PRKCE: variants seen among roughly 807,000 people sequenced by gnomAD.
The protein encoded by PRKCE is protein kinase C epsilon.
In PRKCE, 16 loss-of-function variants were observed where a neutral mutation model predicts 85.4. That is an observed-to-expected ratio of 0.19 (90% CI 0.13 to 0.28). PRKCE has a LOEUF of 0.28. Among genes scored for constraint, PRKCE ranks in the 10% least tolerant of loss-of-function variants. The pLI is 1.00. For synonymous variants in PRKCE, 388 were observed against 371.5 expected, an observed-to-expected ratio of 1.04 and a Z score of -0.51; for missense variants, 573 against 975.2, an observed-to-expected ratio of 0.59 and a Z score of 5.49.
intron 1 of PRKCE, among the ~76,000 whole-genome samples, chr2:45,683,614 C>T (rs1677071186): frequency 6.6e-6 from 1 of 152,202 alleles, no homozygotes; most frequent in South Asian, 2.1e-4. Context: ...TGAAGTCTGA[C>T]TGCTGCATGG....
chr2:45,849,371 T>A (rs1366194042), intron 2 of PRKCE, among the ~76,000 whole-genome samples: 5 of 152,156 alleles, frequency 3.3e-5, no homozygotes, highest in African/African-American at 1.2e-4. Flanking sequence ...GTCTCTTTTC[T>A]CGCTTAGCAA....
At chr2:45,807,375 G>A (rs1171332862) in intron 1 of PRKCE, among the ~76,000 whole-genome samples, 1 of 152,222 alleles carries the variant, frequency 6.6e-6, no homozygotes, top group Admixed American at 6.5e-5. Flanking sequence ...TTTGCTGATG[G>A]CCCAGAATCA....
chr2:46,144,970 C>T (rs1558500114), intron 11 of PRKCE, 123 bp from the exon 12 acceptor site: 2 of 1,434,814 alleles, frequency 1.4e-6, no homozygotes, highest in Non-Finnish European at 1.9e-6. Context: ...TTTCAAGAAA[C>T]ACAAGCTTCT....
chr2:45,701,606 G>A (rs995700999), intron 1 of PRKCE: 2 of 152,156 alleles, frequency 1.3e-5, no homozygotes, highest in African/African-American at 2.4e-5. Flanking sequence ...GCTTACCAAG[G>A]CAATAAAGGC....
intron 11 of PRKCE, among the ~76,000 whole-genome samples, chr2:46,096,704 T>A (rs1670714931): frequency 6.6e-6 from 1 of 152,182 alleles, no homozygotes; most frequent in Non-Finnish European, 1.5e-5. Flanking sequence ...TAAATTCCTG[T>A]TAAGTCGCTC....
At chr2:45,973,628 A>T (rs1018732593) in intron 2 of PRKCE, among the ~76,000 whole-genome samples, 4 of 152,146 alleles carry the variant, frequency 2.6e-5, no homozygotes, top group African/African-American at 9.7e-5. Context: ...ACCCCTGCCA[A>T]CTTTAAACAG....
At chr2:45,769,641 T>G (rs1321379781) in intron 1 of PRKCE, among the ~76,000 whole-genome samples, 4 of 152,256 alleles carry the variant, frequency 2.6e-5, no homozygotes, top group African/African-American at 7.2e-5. Flanking sequence ...TTCTATTTCA[T>G]GAGTTTGTAA....
rs372950760 is a variant in PRKCE, at chr2:45,887,653, C to T, written c.412+44590C>T. Among the ~76,000 whole-genome samples, 30 of 152,166 alleles carry T rather than the reference C, an allele frequency of 2.0e-4. No individual in the cohort carries two copies. In the South Asian group the frequency reaches 5.4e-3, roughly 27 times the overall value. Reference sequence around the variant, plus strand: ...TCAGGAAGCCATGACTTTTATGGTTCTAGAACCATGCCACATCAGCTATGA... The same window carrying T: ...TCAGGAAGCCATGACTTTTATGGTTTTAGAACCATGCCACATCAGCTATGA... On this transcript the variant is annotated intron_variant, in intron 2 of 14. Transcript: ENST00000306156.
Position 46,093,079 on chromosome 2 carries a change from G to T in PRKCE, c.1592+6717G>T, listed in dbSNP as rs561085423. Among the ~76,000 whole-genome samples the T allele has an allele frequency of 5.3e-5, 8 of 152,284 alleles. No homozygotes were observed. The East Asian group carries it at 1.5e-3, about 29-fold the overall frequency. ...ACTTGGGGATCGTTTTCCCCAGAGA[G>T]CATCGTTCTTAGCTGTCAGCGTTAC... On this transcript the variant is annotated intron_variant, in intron 11 of 14. Coordinates refer to ENST00000306156, the MANE Select transcript of PRKCE (RefSeq NM_005400.3).
intron 10 of PRKCE, among the ~76,000 whole-genome samples, chr2:46,082,225 G>A (rs925495286): frequency 8.5e-5 from 13 of 152,162 alleles, no homozygotes; most frequent in African/African-American, 1.9e-4. Flanking sequence ...CAAGGCATCT[G>A]CAAGAATCTA....
At chr2:45,671,181 T>C (rs927452216) in intron 1 of PRKCE, among the ~76,000 whole-genome samples, 2 of 152,196 alleles carry the variant, frequency 1.3e-5, no homozygotes, top group African/African-American at 4.8e-5. Context: ...TATTCAACAA[T>C]TTGTACTGTT....
chr2:46,117,042 A>T (rs1672844221), intron 11 of PRKCE, among the ~76,000 whole-genome samples: 1 of 152,236 alleles, frequency 6.6e-6, no homozygotes, highest in African/African-American at 2.4e-5. Context: ...TCAGAATCAA[A>T]TCTGATGTTT....
chr2:45,665,064 G>A (rs1350759922), intron 1 of PRKCE, among the ~76,000 whole-genome samples: 1 of 152,232 alleles, frequency 6.6e-6, no homozygotes, highest in Non-Finnish European at 1.5e-5. Context: ...TTGAAGCATA[G>A]CCAGCCTTCT....
chr2:46,075,927 A>G (rs1391665380), intron 10 of PRKCE, among the ~76,000 whole-genome samples: 1 of 152,218 alleles, frequency 6.6e-6, no homozygotes, highest in Non-Finnish European at 1.5e-5. Context: ...CCAGGTGAAC[A>G]GCCAGGGACA....
intron 10 of PRKCE, among the ~76,000 whole-genome samples, chr2:46,038,902 G>T (rs1311730545): frequency 6.6e-6 from 1 of 152,144 alleles, no homozygotes; most frequent in Non-Finnish European, 1.5e-5. Context: ...TCTTCAGGTT[G>T]GGAATCAGAC....
At chr2:46,088,143 G>A (rs546714328) in intron 11 of PRKCE, among the ~76,000 whole-genome samples, 49 of 152,228 alleles carry the variant, frequency 3.2e-4, no homozygotes, top group African/African-American at 1.2e-3. Flanking sequence ...CTTACTCAAG[G>A]GCAAAAGATT....
chr2:46,150,462 A>C lies in PRKCE; in HGVS notation c.1732-579A>C, dbSNP rs533990431. Among the ~76,000 whole-genome samples, 152 of 152,334 alleles carry C rather than the reference A, an allele frequency of 1.0e-3. 1 individual carries two copies. In the Middle Eastern group the frequency reaches 0.01, roughly 10 times the overall value. On this transcript the variant is annotated intron_variant, in intron 12 of 14. Transcript: ENST00000306156. ...ATAGAGATGGGTTTTTTCTTAGAAT[A>C]TGCAAGAGTATAGTGGTCCTTTATA... is the stretch of plus-strand genomic sequence containing the variant.
chr2:45,719,263 G>T (rs1680411671), intron 1 of PRKCE, among the ~76,000 whole-genome samples: 1 of 152,334 alleles, frequency 6.6e-6, no homozygotes, highest in East Asian at 1.9e-4. Flanking sequence ...TGATGTTAAT[G>T]TGTTTCATCA....
intron 1 of PRKCE, among the ~76,000 whole-genome samples, chr2:45,764,190 C>T (rs554185444): frequency 2.0e-5 from 3 of 152,170 alleles, no homozygotes; most frequent in African/African-American, 4.8e-5. Flanking sequence ...GTTCTTAAAA[C>T]GCTAATTTCC....
Sources: gnomAD v4.1 joint callset for allele counts (sites outside exome capture counted in the v4.1 genomes callset) on GRCh38, gnomAD v4.1.1 for gene constraint, MANE v1.5 for transcripts, NCBI Gene and HGNC (gene_info 2026-07-23, HGNC 2026-07-21) for gene names.